FIGN: variants seen among roughly 807,000 people sequenced by gnomAD.
The protein encoded by FIGN is fidgetin, microtubule severing factor, also known as fidgetin.
FIGN carries 11 observed loss-of-function variants against 51.3 expected under a neutral mutation model. The observed-to-expected ratio is 0.21, with a 90% CI of 0.13 to 0.35. FIGN has a LOEUF of 0.35. FIGN is among the 10% of genes least tolerant of loss of function. The pLI is 1.00. For synonymous variants in FIGN, 407 were observed against 363.2 expected (o/e 1.12, Z -1.37); for missense variants, 857 against 943.6 (o/e 0.91, Z 1.20).
At chr2:163,658,056 C>A (rs546316573) in intron 2 of FIGN, among the ~76,000 whole-genome samples, 95 of 152,226 alleles carry the variant, frequency 6.2e-4, no homozygotes, top group Non-Finnish European at 9.6e-4. Flanking sequence ...AGCATTAGGA[C>A]TATTTCATTC....
At chr2:163,727,529 T>A (rs1684855810) in intron 2 of FIGN, among the ~76,000 whole-genome samples, 1 of 152,142 alleles carries the variant, frequency 6.6e-6, no homozygotes, top group Non-Finnish European at 1.5e-5. Flanking sequence ...GCAAAGATTT[T>A]TCTTCTTAGA....
At chr2:163,658,040 A>G (rs1441002794) in intron 2 of FIGN, among the ~76,000 whole-genome samples, 1 of 152,128 alleles carries the variant, frequency 6.6e-6, no homozygotes, top group Non-Finnish European at 1.5e-5. Context: ...AAACTAGAAA[A>G]CCATCAGCAT....
chr2:163,660,722 T>A (rs1465036597), intron 2 of FIGN, among the ~76,000 whole-genome samples: 1 of 112,944 alleles, frequency 8.9e-6, no homozygotes, highest in African/African-American at 3.3e-5. Context: ...TATACATATA[T>A]ATGTATACAC....
At chr2:163,696,079 C>A (rs1178136531) in intron 2 of FIGN, among the ~76,000 whole-genome samples, 1 of 151,914 alleles carries the variant, frequency 6.6e-6, no homozygotes, top group Non-Finnish European at 1.5e-5. Flanking sequence ...CCACTGCACT[C>A]CAGGATGGGC....
At chr2:163,617,608 G>C (rs757725934) in intron 2 of FIGN, among the ~76,000 whole-genome samples, 3 of 152,128 alleles carry the variant, frequency 2.0e-5, no homozygotes, top group Non-Finnish European at 2.9e-5. Flanking sequence ...TGGAGCCATT[G>C]ATAGATTGTT....
intron 2 of FIGN, among the ~76,000 whole-genome samples, chr2:163,617,838 C>A (rs1682905005): frequency 6.6e-6 from 1 of 152,078 alleles, no homozygotes; most frequent in Non-Finnish European, 1.5e-5. Flanking sequence ...TTAAGATTAC[C>A]TGAATAATAT....
intron 2 of FIGN, among the ~76,000 whole-genome samples, chr2:163,617,925 G>T (rs893901389): frequency 2.0e-5 from 3 of 152,076 alleles, no homozygotes; most frequent in Non-Finnish European, 4.4e-5. Flanking sequence ...AAGGCCAGGG[G>T]TGCATTAAAG....
intron 2 of FIGN, among the ~76,000 whole-genome samples, chr2:163,655,992 A>G (rs535023344): frequency 9.8e-5 from 15 of 152,324 alleles, no homozygotes; most frequent in African/African-American, 3.4e-4. Flanking sequence ...AGCAATGTCA[A>G]GTTACAGCAA....
intron 2 of FIGN, among the ~76,000 whole-genome samples, chr2:163,706,343 G>A (rs1197692945): frequency 1.3e-5 from 2 of 151,966 alleles, no homozygotes; most frequent in Non-Finnish European, 2.9e-5. Flanking sequence ...TTGAACCTTT[G>A]CCCAAGACAT....
Position 163,610,574 on chromosome 2 carries a change from C to T in FIGN, c.1258G>A (p.Gly420Arg), listed in dbSNP as rs1489621818. The T allele has an allele frequency of 4.3e-6, 7 of 1,614,174 alleles. No homozygotes were observed. The highest frequency in any genetic ancestry group is 5.1e-6 in the Non-Finnish European group (6 of 1,180,034). ...SLGSRSSESFGKYTSPVMSEH... is the reference protein window; with the variant it reads ...SLGSRSSESFRKYTSPVMSEH... ...CTCATTACTGGCGATGTGTACTTCC[C>T]AAAGGATTCACTGGATCTTGATCCC... The change falls in exon 3 of 3, where the codon GGG becomes AGG. Residue 420 changes from glycine (G) to arginine (R), a missense_variant. Around this residue, in one of 3 missense-constraint regions of FIGN, gnomAD observed 799 missense variants for 849.5 expected, o/e 0.94. Coordinates refer to ENST00000333129, the MANE Select transcript of FIGN (RefSeq NM_018086.4).
chr2:163,673,142 A>C (rs886962043), intron 2 of FIGN, among the ~76,000 whole-genome samples: 4 of 152,080 alleles, frequency 2.6e-5, no homozygotes, highest in African/African-American at 9.7e-5. Context: ...TGCCAGTAGG[A>C]AGCTTTTAAA....
At chr2:163,721,859 G>A (rs927788751) in intron 2 of FIGN, among the ~76,000 whole-genome samples, 4 of 151,808 alleles carry the variant, frequency 2.6e-5, no homozygotes, top group African/African-American at 7.3e-5. Flanking sequence ...TTTTTTTCTG[G>A]GTTATTTAAC....
intron 2 of FIGN, chr2:163,612,357 T>TA: frequency 1.0e-6 from 1 of 985,390 alleles, no homozygotes. Flanking sequence ...AACACCTAGT[T>TA]AGCACAGTAT....
intron 2 of FIGN, among the ~76,000 whole-genome samples, chr2:163,686,542 C>T (rs961752625): frequency 1.3e-5 from 2 of 151,932 alleles, no homozygotes; most frequent in African/African-American, 2.4e-5. Flanking sequence ...GAAGTGTGGG[C>T]GAAACTGCCT....
intron 2 of FIGN, among the ~76,000 whole-genome samples, chr2:163,618,070 T>C (rs1682907898): frequency 6.6e-6 from 1 of 152,180 alleles, no homozygotes; most frequent in South Asian, 2.1e-4. Context: ...CCAAGAAAGA[T>C]ACAGAAATTC....
rs1463380319 is a variant in FIGN at position 163,603,156 on chromosome 2, C to T, written c.*6396G>A. 1 of 151,624 alleles carries T rather than the reference C, an allele frequency of 6.6e-6. No individual in the cohort carries two copies. The highest frequency in any genetic ancestry group is 1.5e-5 in the Non-Finnish European group (1 of 67,906). The allele number at this position is 151,624 out of a possible 1,614,324, so 9.4% of individuals were successfully genotyped here. On this transcript the variant is annotated 3_prime_UTR_variant, in exon 3 of 3. Coordinates refer to ENST00000333129, the MANE Select transcript of FIGN (RefSeq NM_018086.4). ...TCATCTAAAGCTTGTCATTTTTTTC[C>T]AAGAGAAATGGATTGTTTCATTTTT...
chr2:163,705,689 C>A (rs914668149), intron 2 of FIGN, among the ~76,000 whole-genome samples: 7 of 151,704 alleles, frequency 4.6e-5, no homozygotes, highest in African/African-American at 1.7e-4. Context: ...TTACTCCCCA[C>A]AACTCTCAAG....
intron 2 of FIGN, among the ~76,000 whole-genome samples, chr2:163,668,666 C>T (rs988401231): frequency 2.0e-5 from 3 of 152,136 alleles, no homozygotes; most frequent in Non-Finnish European, 2.9e-5. Flanking sequence ...GTAGGCCAGG[C>T]GCAGTGGCTC....
chr2:163,681,035 CTT>C (rs1684054546), intron 2 of FIGN, among the ~76,000 whole-genome samples: 1 of 152,144 alleles, frequency 6.6e-6, no homozygotes, highest in Non-Finnish European at 1.5e-5. Flanking sequence ...ATTACGATCA[CTT>C]CACAGAAAAT....
Sources: gnomAD v4.1 joint callset for allele counts (sites outside exome capture counted in the v4.1 genomes callset) on GRCh38, gnomAD v4.1.1 for gene constraint, gnomAD v4.1.1 regional missense constraint, MANE v1.5 for transcripts, NCBI Gene and HGNC (gene_info 2026-07-23, HGNC 2026-07-21) for gene names.